RADIL: variants seen among roughly 807,000 people sequenced by gnomAD.
RADIL encodes the protein ras-associating and dilute domain-containing protein.
In RADIL, 99 loss-of-function variants were observed where a neutral mutation model predicts 97.6. The observed-to-expected ratio is 1.01, with a 90% CI of 0.86 to 1.20. The LOEUF (loss-of-function observed/expected upper bound fraction) is 1.20, where lower values mean the gene tolerates loss of function less well. RADIL is among the 50% of genes most tolerant of loss of function. RADIL has a pLI of 0.00. For synonymous variants in RADIL, 803 were observed against 691.8 expected, an observed-to-expected ratio of 1.16 and a Z score of -2.52; for missense variants, 1,765 against 1,498.9, an observed-to-expected ratio of 1.18 and a Z score of -2.93.
chr7:4,801,606 T>C (rs1400432083), intron 12 of RADIL, 47 bp downstream of exon 12: 2 of 1,537,110 alleles, frequency 1.3e-6, no homozygotes, highest in East Asian at 4.8e-5. Context: ...CAGGGTGCTG[T>C]GCGGGGTCTG....
intron 2 of RADIL, among the ~76,000 whole-genome samples, chr7:4,869,927 T>G (rs1017247448): frequency 6.6e-6 from 1 of 152,094 alleles, no homozygotes; most frequent in Non-Finnish European, 1.5e-5. Context: ...ACTCAGGAGT[T>G]CAAGACCATG....
rs1396324311 is a variant in RADIL at position 4,880,311 on chromosome 7, C to A, written c.-64-2108G>T. 1.3e-5 allele frequency among the ~76,000 whole-genome samples: 2 copies of A among 152,206 alleles called. No homozygotes were observed. Among genetic ancestry groups the A allele is most frequent in the African/African-American group, 2.4e-5 (1 of 41,450 alleles). On this transcript the variant is annotated intron_variant, in intron 1 of 14. Coordinates refer to ENST00000399583, the MANE Select transcript of RADIL (RefSeq NM_018059.5). The surrounding 1 kb of genome is among the most constrained non-coding windows in gnomAD (Gnocchi z 4.5). ...GCTCAGAGCCGGCCGCAGCTTCCCCCACGGACTCATCAAAGGCCTCGGTTT... is the reference window on the plus strand; with the variant it reads ...GCTCAGAGCCGGCCGCAGCTTCCCCAACGGACTCATCAAAGGCCTCGGTTT...
chr7:4,876,527 C>G (rs1450900434), intron 2 of RADIL, among the ~76,000 whole-genome samples: 1 of 152,182 alleles, frequency 6.6e-6, no homozygotes, highest in Non-Finnish European at 1.5e-5. Context: ...TCTCCAACTC[C>G]TGACCTCAGG....
At position 4,867,752 on chromosome 7, in the gene RADIL, C is replaced by A. The variant is rs1234131241; in HGVS notation, c.535+9853G>T. Among the ~76,000 whole-genome samples, 1 of 152,264 alleles carries A rather than the reference C, an allele frequency of 6.6e-6. No homozygotes were observed. The highest frequency in any genetic ancestry group is 2.1e-4 in the South Asian group (1 of 4,824). On this transcript the variant is annotated intron_variant, in intron 2 of 14. Coordinates refer to ENST00000399583, the MANE Select transcript of RADIL (RefSeq NM_018059.5). The surrounding 1 kb of genome is among the most constrained non-coding windows in gnomAD (Gnocchi z 4.1). ...AAATATTATTTATGTATTAAGGATA[C>A]ATATGAATCCAAATATATGAAAGGT...
chr7:4,851,763 A>T (rs1783714662), intron 2 of RADIL, among the ~76,000 whole-genome samples: 1 of 152,238 alleles, frequency 6.6e-6, no homozygotes, highest in African/African-American at 2.4e-5. Flanking sequence ...GCAAAAAAAG[A>T]ACCAGGACTG....
chr7:4,801,690 C>T lies in RADIL; in HGVS notation c.2805G>A (p.Arg935=), dbSNP rs527660397. 1.3e-4 allele frequency: 203 copies of T among 1,608,486 alleles called. No homozygotes were observed. The South Asian group carries it at 2.1e-3, about 17-fold the overall frequency. The change falls in exon 12 of 15, where the codon AGG becomes AGA. Residue 935 remains arginine (R), a synonymous_variant. Transcript: ENST00000399583. ...CACCCCGGAGGCCGCTGAGTCCGTT[C>T]CTCTGCCTCTCTGGGAGCGCTTTTC... ...PCGKALPERQ[R]NGLSGLRGAA...
chr7:4,832,368 T>C (rs1390523351), intron 4 of RADIL, 190 bp from the exon 5 acceptor site: 1 of 620,566 alleles, frequency 1.6e-6, no homozygotes, highest in Non-Finnish European at 2.9e-6. Flanking sequence ...TCCCATTCCA[T>C]TACCGACTAT....
chr7:4,823,323 T>A (rs1782885637), intron 5 of RADIL, among the ~76,000 whole-genome samples: 1 of 148,970 alleles, frequency 6.7e-6, no homozygotes, highest in African/African-American at 2.5e-5. Flanking sequence ...TGGCTAATTA[T>A]TAAAAACCTT....
chr7:4,856,864 C>T (rs906158333), intron 2 of RADIL, among the ~76,000 whole-genome samples: 1 of 152,256 alleles, frequency 6.6e-6, no homozygotes, highest in Admixed American at 6.5e-5. Context: ...AAATCCGGCC[C>T]TGGCCATCTG....
chr7:4,820,896 C>T (rs1782813656), intron 6 of RADIL, among the ~76,000 whole-genome samples: 1 of 152,220 alleles, frequency 6.6e-6, no homozygotes, highest in African/African-American at 2.4e-5. Flanking sequence ...ACGGAGAGCC[C>T]CTCCTCTCAG....
In RADIL at chr7:4,863,834, C is replaced by T. The variant is rs116395984; in HGVS notation, c.535+13771G>A. Among the ~76,000 whole-genome samples, 962 of 152,324 alleles carry T rather than the reference C, an allele frequency of 6.3e-3. 10 individuals carry two copies. The highest frequency in any genetic ancestry group is 0.022 in the African/African-American group (919 of 41,568). ...TTAAGGTCCCAAGAGCTTTCTGTCT[C>T]TTCTTGGACAGCTGCTAAACTTAAG... is the stretch of plus-strand genomic sequence containing the variant. On this transcript the variant is annotated intron_variant, in intron 2 of 14. Coordinates refer to ENST00000399583, the MANE Select transcript of RADIL (RefSeq NM_018059.5).
intron 2 of RADIL, chr7:4,865,420 T>C (rs1476672013): frequency 7.5e-6 from 5 of 669,752 alleles, no homozygotes; most frequent in Non-Finnish European, 1.4e-5. Context: ...ATATTTCAGA[T>C]AAATGGAATT....
rs915031122 is a variant in RADIL, at chr7:4,817,311, G to A, written c.1656C>T (p.Ser552=). The A allele has an allele frequency of 8.7e-6, 14 of 1,612,402 alleles. No individual in the cohort carries two copies. The highest frequency in any genetic ancestry group is 5.3e-5 in the African/African-American group (4 of 74,918). The change falls in exon 7 of 15, where the codon AGC becomes AGT. Residue 552 remains serine (S), a synonymous_variant. Coordinates refer to ENST00000399583, the MANE Select transcript of RADIL (RefSeq NM_018059.5). This position sits in a 1 kb window ranked among gnomAD's most constrained non-coding sequence, Gnocchi z 8.3. ...CCTCCAGCACCGCCATGGCCTCCTC[G>A]CTGGCCGTCAGCGTGCAGGAGAACA... The part of the protein sequence containing the change: ...ESLFSCTLTA[S]EEAMAVLEEV...
In RADIL at chr7:4,830,744, G is replaced by T. The variant is rs372108501; in HGVS notation, c.1454+1397C>A. 8.5e-5 allele frequency among the ~76,000 whole-genome samples: 13 copies of T among 152,274 alleles called. No individual in the cohort carries two copies. In the East Asian group the frequency reaches 2.5e-3, roughly 29 times the overall value. On this transcript the variant is annotated intron_variant, in intron 5 of 14. Transcript: ENST00000399583. ...AATACAAAATTAGCGGCTGGGCGCG[G>T]TGGTTCACACCTGTAATCCCAGCAC...
rs892606098 is a variant in RADIL, at chr7:4,819,056, C to T, written c.1616-1705G>A. 7.5e-4 allele frequency among the ~76,000 whole-genome samples: 101 copies of T among 135,302 alleles called. No homozygotes were observed. Among genetic ancestry groups the T allele is most frequent in the Admixed American group, 1.5e-3 (22 of 14,366 alleles). The allele number at this position is 135,302 out of a possible 152,430, so 88.8% of individuals were successfully genotyped here. On this transcript the variant is annotated intron_variant, in intron 6 of 14. Transcript: ENST00000399583. This position sits in a 1 kb window ranked among gnomAD's most constrained non-coding sequence, Gnocchi z 5.8. ...TGCACCCGGCCCTGAGACTCCATTT[C>T]TCTCTCTCTCTCTCTCTTTTTTTTT... is the stretch of plus-strand genomic sequence containing the variant.
chr7:4,802,294 G>A (rs71207083), intron 11 of RADIL, among the ~76,000 whole-genome samples: 1 of 144,368 alleles, frequency 6.9e-6, no homozygotes, highest in African/African-American at 2.7e-5. Flanking sequence ...GCTGGCTGGG[G>A]GGCCCCCTCC....
rs1304130974 is a variant in RADIL, at chr7:4,797,178, T to G, written c.*2200A>C. On this transcript the variant is annotated 3_prime_UTR_variant, in exon 15 of 15. Transcript: ENST00000399583. ...AGCTCAGCAAGACCAGAACAGCCAGTGGCAGCCCTCACCAGTCCCGCACCT... is the reference window on the plus strand; with the variant it reads ...AGCTCAGCAAGACCAGAACAGCCAGGGGCAGCCCTCACCAGTCCCGCACCT... The G allele has an allele frequency of 6.6e-6, 1 of 152,246 alleles. No homozygotes were observed. Among genetic ancestry groups the G allele is most frequent in the East Asian group, 1.9e-4 (1 of 5,198 alleles). The allele number at this position is 152,246 out of a possible 1,614,324, so 9.4% of individuals were successfully genotyped here. A position where few individuals can be genotyped will look rare whatever the true frequency, so the allele number is the denominator to read the frequency against.
chr7:4,805,960 C>G (rs80014017), intron 9 of RADIL: 74,093 of 985,426 alleles, frequency 0.075, 2,999 homozygotes, highest in Admixed American at 0.12. Context: ...CCAGGGAACC[C>G]ACCCCCGTCT....
At chr7:4,856,209 T>C (rs148079043) in intron 2 of RADIL, among the ~76,000 whole-genome samples, 2 of 152,032 alleles carry the variant, frequency 1.3e-5, no homozygotes, top group Admixed American at 1.3e-4. Flanking sequence ...GCGATTCTCC[T>C]GCATCGGCCT....
Sources: allele counts gnomAD v4.1 joint callset (sites outside exome capture counted in the v4.1 genomes callset), GRCh38; gene constraint gnomAD v4.1.1; non-coding constraint Gnocchi (gnomAD v3.1); transcripts MANE v1.5; gene names NCBI Gene and HGNC (gene_info 2026-07-23, HGNC 2026-07-21).